Variants in CELF4 observed in about 807,000 individuals in gnomAD.
CELF4 encodes CUG-BP- and ETR-3-like factor 4.
Under a neutral mutation model 59.9 loss-of-function variants are expected in CELF4, and 18 were observed. That is an observed-to-expected ratio of 0.30 (90% CI 0.21 to 0.45). The LOEUF (loss-of-function observed/expected upper bound fraction) is 0.45, where lower values mean the gene tolerates loss of function less well. CELF4 is among the 20% of genes least tolerant of loss of function. The pLI is 1.00. For synonymous variants in CELF4, 261 were observed against 267.1 expected (o/e 0.98, Z 0.22); for missense variants, 456 against 689.0 (o/e 0.66, Z 3.79).
intron 2 of CELF4, among the ~76,000 whole-genome samples, chr18:37,467,014 C>A (rs921803349): frequency 6.6e-6 from 1 of 151,870 alleles, no homozygotes; most frequent in Non-Finnish European, 1.5e-5. Context: ...GAGTGGGAGG[C>A]GGTGGGGATT....
intron 2 of CELF4, among the ~76,000 whole-genome samples, chr18:37,431,233 T>C (rs879605456): frequency 1.3e-5 from 2 of 152,144 alleles, no homozygotes; most frequent in Admixed American, 6.5e-5. Flanking sequence ...GATTAAAAAG[T>C]CATTATGCCG....
intron 3 of CELF4, chr18:37,305,358 G>C: frequency 6.6e-6 from 1 of 152,208 alleles, no homozygotes. Flanking sequence ...ACAACACGGT[G>C]GAGACTCACC....
intron 1 of CELF4, among the ~76,000 whole-genome samples, chr18:37,505,216 AC>A (rs1274659095): frequency 6.6e-6 from 1 of 152,246 alleles, no homozygotes; most frequent in African/African-American, 2.4e-5. Context: ...TGACCAACTT[AC>A]ATCTGCTTGA....
intron 2 of CELF4, among the ~76,000 whole-genome samples, chr18:37,407,669 A>G (rs1399710303): frequency 6.6e-6 from 1 of 152,084 alleles, no homozygotes; most frequent in East Asian, 1.9e-4. Context: ...ATTAATAACA[A>G]TAAATATTGT....
At chr18:37,414,194 CTATCTAT>C (rs2154592578) in intron 2 of CELF4, among the ~76,000 whole-genome samples, 1 of 6,218 alleles carries the variant, frequency 1.6e-4, no homozygotes, top group African/African-American at 3.9e-4. Context: ...ATTCATTCAT[CTATCTAT>C]CTATCTATCT....
At chr18:37,545,198 C>T (rs948537) in intron 1 of CELF4, among the ~76,000 whole-genome samples, 33,696 of 152,188 alleles carry the variant, frequency 0.22, 4,004 homozygotes, top group South Asian at 0.31. Flanking sequence ...AGCACACAGC[C>T]TGGGTGTGAG....
At chr18:37,304,810 T>G (rs2096290840) in intron 3 of CELF4, among the ~76,000 whole-genome samples, 1 of 152,290 alleles carries the variant, frequency 6.6e-6, no homozygotes, top group African/African-American at 2.4e-5. Context: ...GTGCTGCCCC[T>G]TCCATCAGCC....
chr18:37,272,483 GT>G (rs1190029255), intron 7 of CELF4, among the ~76,000 whole-genome samples: 1 of 148,340 alleles, frequency 6.7e-6, no homozygotes, highest in African/African-American at 2.5e-5. Context: ...CCAAACTCCT[GT>G]CCCTTGATAA....
At chr18:37,523,545 G>A (rs1220639167) in intron 1 of CELF4, among the ~76,000 whole-genome samples, 1 of 152,194 alleles carries the variant, frequency 6.6e-6, no homozygotes, top group Admixed American at 6.5e-5. Flanking sequence ...ACTGCTGGGA[G>A]AACAGGCGGC....
intron 2 of CELF4, among the ~76,000 whole-genome samples, chr18:37,455,383 C>A (rs904596798): frequency 6.6e-6 from 1 of 152,220 alleles, no homozygotes; most frequent in Admixed American, 6.5e-5. Context: ...TATTCTACCT[C>A]TTCTCCCTTC....
rs1001297792 is a variant in CELF4 at position 37,292,793 on chromosome 18, C to A, written c.449-17550G>T. ...CGCTGCAAGGTGATTTTGCAATGTG[C>A]ACCGTTTCTGGACACTTTTATAAAT... On this transcript the variant is annotated intron_variant, in intron 3 of 12. Coordinates refer to ENST00000420428, the MANE Select transcript of CELF4 (RefSeq NM_020180.4). Among the ~76,000 whole-genome samples the A allele has an allele frequency of 3.3e-5, 5 of 152,306 alleles. No homozygotes were observed. The South Asian group carries it at 1.0e-3, about 32-fold the overall frequency.
At chr18:37,426,079 C>T (rs1191492732) in intron 2 of CELF4, among the ~76,000 whole-genome samples, 4 of 152,224 alleles carry the variant, frequency 2.6e-5, no homozygotes, top group African/African-American at 7.2e-5. Context: ...AATGTAGTCC[C>T]AACTCTGGCT....
Position 37,254,249 on chromosome 18 carries a change from A to AC in CELF4, c.1334-312dup, listed in dbSNP as rs1314568421. Among the ~76,000 whole-genome samples, 1 of 144,364 alleles carries AC rather than the reference A, an allele frequency of 6.9e-6. No individual in the cohort carries two copies. The highest frequency in any genetic ancestry group is 2.6e-5 in the African/African-American group (1 of 39,128). 94.7% of individuals were successfully genotyped at this position (144,364 alleles called of 152,430 possible). A position where few individuals can be genotyped will look rare whatever the true frequency, so the allele number is the denominator to read the frequency against. On this transcript the variant is annotated intron_variant, in intron 11 of 12. Transcript: ENST00000420428. This position sits in a 1 kb window ranked among gnomAD's most constrained non-coding sequence, Gnocchi z 5.1. The stretch of plus-strand genomic sequence containing the variant: ...GCGCTGGGAGAGGCGCCCGCCCCCC[A>AC]CCCCCGCCGGCCCCGGCACCTCAGC...
intron 1 of CELF4, among the ~76,000 whole-genome samples, chr18:37,520,633 C>T (rs2099956265): frequency 6.6e-6 from 1 of 152,126 alleles, no homozygotes; most frequent in African/African-American, 2.4e-5. Context: ...TGCTGTCTGT[C>T]TAGCTGGCTG....
At chr18:37,413,310 T>C (rs1024455436) in intron 2 of CELF4, among the ~76,000 whole-genome samples, 8 of 152,184 alleles carry the variant, frequency 5.3e-5, no homozygotes, top group Non-Finnish European at 1.2e-4. Context: ...TCATGTGGGT[T>C]CCTGTAGGTG....
At chr18:37,414,458 C>G (rs559744217) in intron 2 of CELF4, among the ~76,000 whole-genome samples, 1 of 151,490 alleles carries the variant, frequency 6.6e-6, no homozygotes, top group South Asian at 2.1e-4. Flanking sequence ...ACCCATTCTT[C>G]TATCTATCCA....
At chr18:37,408,293 T>A (rs935018089) in intron 2 of CELF4, among the ~76,000 whole-genome samples, 1 of 152,152 alleles carries the variant, frequency 6.6e-6, no homozygotes, top group African/African-American at 2.4e-5. Context: ...GTACCCATCC[T>A]TCAGGAAGCC....
intron 8 of CELF4, among the ~76,000 whole-genome samples, chr18:37,269,125 G>A (rs2089867945): frequency 6.6e-6 from 1 of 152,118 alleles, no homozygotes; most frequent in Non-Finnish European, 1.5e-5. Context: ...CCCAGCCCAT[G>A]AGCCTTAGAC....
At chr18:37,316,190 C>T (rs903177822) in intron 3 of CELF4, among the ~76,000 whole-genome samples, 1 of 152,142 alleles carries the variant, frequency 6.6e-6, no homozygotes, top group Non-Finnish European at 1.5e-5. Flanking sequence ...AGCGCATGCC[C>T]TAGGGAGGTA....
Sources: gnomAD v4.1 joint callset for allele counts (sites outside exome capture counted in the v4.1 genomes callset) on GRCh38, gnomAD v4.1.1 for gene constraint, Gnocchi (gnomAD v3.1) non-coding constraint, MANE v1.5 for transcripts, NCBI Gene and HGNC (gene_info 2026-07-23, HGNC 2026-07-21) for gene names.